Variants in GOT1 observed in about 807,000 individuals in gnomAD.
The protein encoded by GOT1 is aspartate aminotransferase, cytoplasmic.
GOT1 carries 25 observed loss-of-function variants against 48.2 expected under a neutral mutation model. The observed-to-expected ratio is 0.52, with a 90% CI of 0.38 to 0.72. GOT1 has a LOEUF of 0.72. Among genes scored for constraint, GOT1 ranks in the 30% least tolerant of loss-of-function variants. GOT1 has a pLI of 0.00. For missense variants in GOT1, 380 were observed against 520.1 expected (o/e 0.73, Z 2.62); for synonymous variants, 188 against 193.8 (o/e 0.97, Z 0.25).
intron 5 of GOT1, among the ~76,000 whole-genome samples, chr10:99,404,993 C>T (rs116057910): frequency 0.011 from 1,666 of 152,268 alleles, 35 homozygotes; most frequent in African/African-American, 0.037. Flanking sequence ...CCAACTCCCA[C>T]ATATACACTG....
At chr10:99,423,221 T>C (rs2032994763) in intron 1 of GOT1, among the ~76,000 whole-genome samples, 1 of 152,210 alleles carries the variant, frequency 6.6e-6, no homozygotes. Context: ...ATGAATGCAA[T>C]TGGGTATTTT....
At position 99,397,468 on chromosome 10, in the gene GOT1, A is replaced by T; in HGVS notation, c.*79T>A. On this transcript the variant is annotated 3_prime_UTR_variant, in exon 9 of 9. Transcript: ENST00000370508. This position sits in a 1 kb window ranked among gnomAD's most constrained non-coding sequence, Gnocchi z 5.4. ...CCTGCAAGTGTCTCTAATCCATGGT[A>T]TGTACATGTAGGTTTGTGCAGGCAG... is the stretch of plus-strand genomic sequence containing the variant. The T allele has an allele frequency of 7.0e-7, 1 of 1,421,594 alleles. No individual in the cohort carries two copies. The highest frequency in any genetic ancestry group is 9.9e-7 in the Non-Finnish European group (1 of 1,008,984). 88.1% of individuals were successfully genotyped at this position (1,421,594 alleles called of 1,614,324 possible).
At chr10:99,401,602 G>A (rs1262619920) in intron 8 of GOT1, among the ~76,000 whole-genome samples, 2 of 151,564 alleles carry the variant, frequency 1.3e-5, no homozygotes, top group Non-Finnish European at 2.9e-5. Flanking sequence ...GGGAGGCGGA[G>A]GTTGCAGTGA....
intron 8 of GOT1, among the ~76,000 whole-genome samples, chr10:99,402,109 A>G (rs538959558): frequency 1.7e-4 from 26 of 152,240 alleles, no homozygotes; most frequent in African/African-American, 6.3e-4. Flanking sequence ...TGCCCAGCCC[A>G]ATCTAGGTTC....
intron 8 of GOT1, among the ~76,000 whole-genome samples, chr10:99,398,430 G>A (rs1352898069): frequency 6.6e-6 from 1 of 152,188 alleles, no homozygotes; most frequent in African/African-American, 2.4e-5. Context: ...AGCACTTCAG[G>A]AGGCTGAGGC....
At chr10:99,424,412 A>C (rs542267963) in intron 1 of GOT1, among the ~76,000 whole-genome samples, 8 of 152,336 alleles carry the variant, frequency 5.3e-5, no homozygotes, top group Non-Finnish European at 1.2e-4. Context: ...TCTTGGAACA[A>C]GAAAAGCATA....
intron 2 of GOT1, among the ~76,000 whole-genome samples, chr10:99,417,599 A>G (rs1178564457): frequency 3.9e-5 from 6 of 152,244 alleles, no homozygotes; most frequent in African/African-American, 9.6e-5. Context: ...AAAGGATTAT[A>G]AATCATGCTG....
Position 99,397,449 on chromosome 10 carries a change from A to G in GOT1, c.*98T>C, listed in dbSNP as rs1294521264. On this transcript the variant is annotated 3_prime_UTR_variant, in exon 9 of 9. Transcript: ENST00000370508. This position sits in a 1 kb window ranked among gnomAD's most constrained non-coding sequence, Gnocchi z 5.4. Reference sequence around the variant, plus strand: ...ACCAGAGCAGCCTTTCAGTCCTGCAAGTGTCTCTAATCCATGGTATGTACA... The same window carrying G: ...ACCAGAGCAGCCTTTCAGTCCTGCAGGTGTCTCTAATCCATGGTATGTACA... 1.5e-6 allele frequency: 2 copies of G among 1,294,060 alleles called. No homozygotes were observed. Among genetic ancestry groups the G allele is most frequent in the African/African-American group, 2.9e-5 (2 of 68,904 alleles). 80.2% of individuals were successfully genotyped at this position (1,294,060 alleles called of 1,614,324 possible).
At chr10:99,418,215 A>G (rs2032922634) in intron 2 of GOT1, among the ~76,000 whole-genome samples, 1 of 152,088 alleles carries the variant, frequency 6.6e-6, no homozygotes, top group Non-Finnish European at 1.5e-5. Context: ...ATGGTCAAAA[A>G]TATAAAACAG....
rs368527371 is a variant in GOT1 at position 99,397,533 on chromosome 10, C to T, written c.*14G>A. ...AGAGAACTACTTTGGTGGTACTGGA[C>T]GGGTGGTGTTTCTTCACTGGATTTT... On this transcript the variant is annotated 3_prime_UTR_variant, in exon 9 of 9. Coordinates refer to ENST00000370508, the MANE Select transcript of GOT1 (RefSeq NM_002079.3). This position sits in a 1 kb window ranked among gnomAD's most constrained non-coding sequence, Gnocchi z 5.4. 60 of 1,613,048 alleles carry T rather than the reference C, an allele frequency of 3.7e-5. No individual in the cohort carries two copies. Among genetic ancestry groups the T allele is most frequent in the Non-Finnish European group, 4.5e-5 (53 of 1,179,602 alleles).
At chr10:99,401,132 C>T (rs2032669523) in intron 8 of GOT1, among the ~76,000 whole-genome samples, 1 of 152,180 alleles carries the variant, frequency 6.6e-6, no homozygotes, top group African/African-American at 2.4e-5. Context: ...TACAGGGAGA[C>T]ATTCCCATAT....
intron 5 of GOT1, among the ~76,000 whole-genome samples, chr10:99,404,857 C>T (rs755865276): frequency 2.6e-5 from 4 of 152,166 alleles, no homozygotes; most frequent in Admixed American, 6.5e-5. Flanking sequence ...GACCATGCTC[C>T]GTCCTCTGCA....
chr10:99,430,437 T>G lies in GOT1; in HGVS notation c.118+11A>C. Reference sequence around the variant, plus strand: ...CCGAGCTGCTCACACTCCAGAGCACTACATCCTTACCTCCCACTCCCAGGT... The same window carrying G: ...CCGAGCTGCTCACACTCCAGAGCACGACATCCTTACCTCCCACTCCCAGGT... On this transcript the variant is annotated intron_variant, in intron 1 of 8. Coordinates refer to ENST00000370508, the MANE Select transcript of GOT1 (RefSeq NM_002079.3). The G allele has an allele frequency of 6.2e-7, 1 of 1,604,818 alleles. No homozygotes were observed. Among genetic ancestry groups the G allele is most frequent in the Non-Finnish European group, 8.5e-7 (1 of 1,174,828 alleles).
intron 2 of GOT1, among the ~76,000 whole-genome samples, chr10:99,411,475 T>G (rs1044734966): frequency 1.3e-5 from 2 of 152,244 alleles, no homozygotes; most frequent in African/African-American, 4.8e-5. Context: ...GTTCACTCAT[T>G]CTTTCATTTA....
At chr10:99,407,207 A>G (rs59808325) in intron 2 of GOT1, among the ~76,000 whole-genome samples, 5,134 of 149,508 alleles carry the variant, frequency 0.034, 304 homozygotes, top group African/African-American at 0.12. Context: ...GTGTGTGTGC[A>G]TGCACGCACA....
At chr10:99,413,648 C>T (rs1036505964) in intron 2 of GOT1, among the ~76,000 whole-genome samples, 37 of 152,060 alleles carry the variant, frequency 2.4e-4, no homozygotes, top group African/African-American at 8.7e-4. Flanking sequence ...TCAGATTCAC[C>T]AAAGTTGAAA....
At chr10:99,408,510 A>G (rs1041313826) in intron 2 of GOT1, among the ~76,000 whole-genome samples, 2 of 152,158 alleles carry the variant, frequency 1.3e-5, no homozygotes, top group East Asian at 1.9e-4. Context: ...TGAGCCCAGG[A>G]GTTTGAGACC....
chr10:99,404,023 T>C, intron 5 of GOT1, 149 bp from the exon 6 acceptor site: 1 of 686,658 alleles, frequency 1.5e-6, no homozygotes, highest in Admixed American at 2.6e-5. Flanking sequence ...AGCTCCACTT[T>C]ACATCCATTT....
At chr10:99,410,807 GA>G (rs2032819161) in intron 2 of GOT1, among the ~76,000 whole-genome samples, 1 of 152,188 alleles carries the variant, frequency 6.6e-6, no homozygotes, top group African/African-American at 2.4e-5. Context: ...AACATCAAAG[GA>G]AGTAAGTACA....
Sources: allele counts gnomAD v4.1 joint callset (sites outside exome capture counted in the v4.1 genomes callset), GRCh38; gene constraint gnomAD v4.1.1; non-coding constraint Gnocchi (gnomAD v3.1); transcripts MANE v1.5; gene names NCBI Gene and HGNC (gene_info 2026-07-23, HGNC 2026-07-21).